SORCS3: variants seen among roughly 807,000 people sequenced by gnomAD.
The protein encoded by SORCS3 is VPS10 domain-containing receptor SorCS3.
A neutral mutation model predicts 146.3 loss-of-function variants in SORCS3; 57 were observed. The observed-to-expected ratio is 0.39, with a 90% CI of 0.31 to 0.49. The LOEUF (loss-of-function observed/expected upper bound fraction) is 0.49, where lower values mean the gene tolerates loss of function less well. Among genes scored for constraint, SORCS3 ranks in the 20% least tolerant of loss-of-function variants. SORCS3 has a pLI of 0.92. For synonymous variants in SORCS3, 653 were observed against 618.5 expected, an observed-to-expected ratio of 1.06 and a Z score of -0.83; for missense variants, 1,341 against 1,575.5, an observed-to-expected ratio of 0.85 and a Z score of 2.52.
At chr10:105,088,841 A>G (rs1456459535) in intron 5 of SORCS3, among the ~76,000 whole-genome samples, 1 of 152,168 alleles carries the variant, frequency 6.6e-6, no homozygotes, top group Non-Finnish European at 1.5e-5. Context: ...TCTACTTTCC[A>G]TTTCTAACTT....
At chr10:104,988,592 G>T (rs1395964053) in intron 4 of SORCS3, among the ~76,000 whole-genome samples, 1 of 152,104 alleles carries the variant, frequency 6.6e-6, no homozygotes, top group East Asian at 1.9e-4. Flanking sequence ...TTAAACCAAG[G>T]TGTTTGTCAT....
chr10:105,167,171 C>G (rs1010329596), intron 12 of SORCS3, 87 bp from the exon 13 acceptor site: 10 of 1,050,606 alleles, frequency 9.5e-6, no homozygotes, highest in Non-Finnish European at 1.4e-5. Context: ...CTAGATGAAA[C>G]AATATATGTG....
intron 9 of SORCS3, among the ~76,000 whole-genome samples, chr10:105,153,163 T>C (rs2056179648): frequency 6.6e-6 from 1 of 152,136 alleles, no homozygotes; most frequent in African/African-American, 2.4e-5. Flanking sequence ...CTGCCCTCTC[T>C]TTGTCTTTAG....
chr10:104,764,709 T>C (rs775777851), intron 1 of SORCS3, among the ~76,000 whole-genome samples: 3 of 152,156 alleles, frequency 2.0e-5, no homozygotes, highest in Non-Finnish European at 4.4e-5. Flanking sequence ...TGGGGTAATG[T>C]TTTTTTCAGA....
intron 1 of SORCS3, among the ~76,000 whole-genome samples, chr10:104,816,455 T>G (rs2017798799): frequency 6.6e-6 from 1 of 152,184 alleles, no homozygotes; most frequent in Non-Finnish European, 1.5e-5. Flanking sequence ...TTGTTAATGG[T>G]TATCCTTTCT....
intron 1 of SORCS3, among the ~76,000 whole-genome samples, chr10:104,673,889 G>T (rs2133259413): frequency 6.6e-6 from 1 of 152,294 alleles, no homozygotes; most frequent in South Asian, 2.1e-4. Context: ...TCCTTTAGCA[G>T]CTCTATCTTC....
chr10:104,884,639 T>C (rs1228894853), intron 2 of SORCS3, among the ~76,000 whole-genome samples: 1 of 152,098 alleles, frequency 6.6e-6, no homozygotes, highest in African/African-American at 2.4e-5. Context: ...GAGGATCAGG[T>C]TCCATTGGGT....
At chr10:104,827,671 T>C (rs2017953544) in intron 1 of SORCS3, among the ~76,000 whole-genome samples, 1 of 152,158 alleles carries the variant, frequency 6.6e-6, no homozygotes, top group Non-Finnish European at 1.5e-5. Context: ...ATCCTGTCTT[T>C]TGAAGCTTTG....
At chr10:104,921,444 A>T (rs2019085450) in intron 3 of SORCS3, among the ~76,000 whole-genome samples, 1 of 152,108 alleles carries the variant, frequency 6.6e-6, no homozygotes. Context: ...CTGGTCTAAC[A>T]GCCAGAGAAT....
chr10:105,070,927 G>A (rs1177913662), intron 5 of SORCS3, among the ~76,000 whole-genome samples: 1 of 152,184 alleles, frequency 6.6e-6, no homozygotes, highest in Non-Finnish European at 1.5e-5. Context: ...AGTTTAATTT[G>A]CCATCATTAA....
intron 5 of SORCS3, among the ~76,000 whole-genome samples, chr10:105,059,963 A>C (rs1394267509): frequency 4.6e-5 from 7 of 152,204 alleles, no homozygotes; most frequent in African/African-American, 1.7e-4. Flanking sequence ...TAAGCTGCTG[A>C]ATGTTGAGGT....
intron 19 of SORCS3, among the ~76,000 whole-genome samples, chr10:105,221,047 A>G (rs1043639143): frequency 6.6e-6 from 1 of 152,192 alleles, no homozygotes; most frequent in African/African-American, 2.4e-5. Context: ...CTCACACTGT[A>G]GATACTCTTC....
At chr10:104,855,250 A>G (rs925323347) in intron 2 of SORCS3, among the ~76,000 whole-genome samples, 3 of 152,170 alleles carry the variant, frequency 2.0e-5, no homozygotes, top group Admixed American at 1.3e-4. Flanking sequence ...CCTTAATGTC[A>G]GGCAGAATGA....
chr10:105,048,183 G>A (rs1422677588), intron 5 of SORCS3, among the ~76,000 whole-genome samples: 1 of 151,232 alleles, frequency 6.6e-6, no homozygotes, highest in African/African-American at 2.4e-5. Context: ...CCCATTACTG[G>A]GTATATACCC....
chr10:104,914,058 C>T (rs1165233842), intron 2 of SORCS3, among the ~76,000 whole-genome samples: 1 of 152,086 alleles, frequency 6.6e-6, no homozygotes, highest in East Asian at 1.9e-4. Context: ...CGTGCGTCAC[C>T]ACACCCGGAA....
chr10:105,197,204 T>C (rs1007359222), intron 14 of SORCS3, among the ~76,000 whole-genome samples: 1 of 152,204 alleles, frequency 6.6e-6, no homozygotes, highest in Non-Finnish European at 1.5e-5. Flanking sequence ...CTCCAGGGAA[T>C]AGGAAGTGGT....
At chr10:105,248,817 G>C (rs1222199105) in intron 22 of SORCS3, among the ~76,000 whole-genome samples, 1 of 152,120 alleles carries the variant, frequency 6.6e-6, no homozygotes, top group African/African-American at 2.4e-5. Flanking sequence ...AATTGAGCTA[G>C]GATGGTTATG....
At chr10:105,217,283 T>C (rs2056671134) in intron 19 of SORCS3, among the ~76,000 whole-genome samples, 161 bp downstream of exon 19, 1 of 152,212 alleles carries the variant, frequency 6.6e-6, no homozygotes, top group Admixed American at 6.5e-5. Flanking sequence ...TTCTGAGTAT[T>C]ATGGTACTGA....
At chr10:104,644,251 T>G (rs1413713) in intron 1 of SORCS3, among the ~76,000 whole-genome samples, 29,230 of 152,264 alleles carry the variant, frequency 0.19, 3,162 homozygotes, top group South Asian at 0.33. Context: ...CACAGGTGGA[T>G]GTAGGGCCAC....
Sources: allele counts gnomAD v4.1 joint callset (sites outside exome capture counted in the v4.1 genomes callset), GRCh38; gene constraint gnomAD v4.1.1; transcripts MANE v1.5; gene names NCBI Gene and HGNC (gene_info 2026-07-23, HGNC 2026-07-21).